ADK: variants seen among roughly 807,000 people sequenced by gnomAD.
ADK encodes N6,N6-dimethyladenosine kinase.
Under a neutral mutation model 44.7 loss-of-function variants are expected in ADK, and 24 were observed. That is an observed-to-expected ratio of 0.54 (90% CI 0.39 to 0.76). ADK has a LOEUF of 0.76. Among genes scored for constraint, ADK ranks in the 30% least tolerant of loss-of-function variants. The pLI, the probability that ADK is intolerant of heterozygous loss-of-function variation, is 0.00. For missense variants in ADK, 321 were observed against 425.1 expected (o/e 0.76, Z 2.15); for synonymous variants, 128 against 142.6 (o/e 0.90, Z 0.73).
intron 4 of ADK, among the ~76,000 whole-genome samples, chr10:74,349,751 A>AT (rs1168907698): frequency 6.6e-6 from 1 of 152,146 alleles, no homozygotes; most frequent in East Asian, 1.9e-4. Context: ...CAAAAAAAAA[A>AT]GCAGGGGTTG....
intron 4 of ADK, among the ~76,000 whole-genome samples, chr10:74,357,772 T>C (rs1342782403): frequency 6.6e-6 from 1 of 152,196 alleles, no homozygotes; most frequent in Non-Finnish European, 1.5e-5. Flanking sequence ...TGTATCACAT[T>C]TGCATGCTTA....
intron 3 of ADK, among the ~76,000 whole-genome samples, chr10:74,236,129 G>GTCC (rs1293825649): frequency 6.6e-6 from 1 of 152,196 alleles, no homozygotes; most frequent in Admixed American, 6.5e-5. Context: ...TAAATTGTAA[G>GTCC]TTGTATAATT....
intron 3 of ADK, among the ~76,000 whole-genome samples, chr10:74,290,502 A>G (rs557254853): frequency 6.9e-4 from 105 of 152,238 alleles, no homozygotes; most frequent in African/African-American, 2.4e-3. Flanking sequence ...AAGTCTTCCA[A>G]TTACTCTACA....
rs147524997 is a variant in ADK at position 74,660,285 on chromosome 10, C to T, written c.878-9898C>T. On this transcript the variant is annotated intron_variant, in intron 9 of 10. Coordinates refer to ENST00000539909, the MANE Select transcript of ADK (RefSeq NM_006721.4). ...CTGGGGCTACAGGAATGCACCACCA[C>T]ACCTGGCTAGTTTTTTTGTATTTTT... 7.0e-3 allele frequency among the ~76,000 whole-genome samples: 1,068 copies of T among 152,236 alleles called. 7 individuals are homozygous for T. The highest frequency in any genetic ancestry group is 0.025 in the African/African-American group (1,033 of 41,554).
intron 7 of ADK, among the ~76,000 whole-genome samples, chr10:74,537,920 CT>C (rs1210874081): frequency 6.6e-6 from 1 of 151,992 alleles, no homozygotes. Context: ...AAAGCTCCCC[CT>C]CATATCTAGT....
chr10:74,408,136 T>C (rs1264055727), intron 6 of ADK, among the ~76,000 whole-genome samples: 1 of 151,464 alleles, frequency 6.6e-6, no homozygotes, highest in Non-Finnish European at 1.5e-5. Context: ...CCTACCACCA[T>C]GCCTGGCTGA....
At chr10:74,173,389 G>A (rs1842225551) in intron 1 of ADK, among the ~76,000 whole-genome samples, 1 of 150,904 alleles carries the variant, frequency 6.6e-6, no homozygotes, top group Non-Finnish European at 1.5e-5. Context: ...CACTGCGCCC[G>A]GCTAGGTTTT....
intron 4 of ADK, among the ~76,000 whole-genome samples, chr10:74,370,918 T>C (rs1285503898): frequency 2.0e-5 from 3 of 152,038 alleles, no homozygotes; most frequent in Non-Finnish European, 4.4e-5. Flanking sequence ...TAGAATAATT[T>C]TATGGTGAGT....
chr10:74,335,934 A>G (rs1161469042), intron 4 of ADK, among the ~76,000 whole-genome samples: 1 of 152,174 alleles, frequency 6.6e-6, no homozygotes, highest in Non-Finnish European at 1.5e-5. Flanking sequence ...AAGACTTATC[A>G]GATGTGTGAT....
intron 2 of ADK, among the ~76,000 whole-genome samples, chr10:74,221,618 C>A (rs1844312472): frequency 6.8e-6 from 1 of 146,008 alleles, no homozygotes; most frequent in Non-Finnish European, 1.5e-5. Context: ...TGACTTCAAA[C>A]TATACTACAA....
chr10:74,246,020 A>T (rs1845402437), intron 3 of ADK, among the ~76,000 whole-genome samples: 1 of 152,056 alleles, frequency 6.6e-6, no homozygotes, highest in African/African-American at 2.4e-5. Context: ...GTGTATATTC[A>T]GGTTAAAAAA....
chr10:74,297,630 G>A (rs1272794183), intron 3 of ADK, among the ~76,000 whole-genome samples: 1 of 152,142 alleles, frequency 6.6e-6, no homozygotes, highest in Non-Finnish European at 1.5e-5. Flanking sequence ...TGAGCTGTGG[G>A]CTAAATTTGT....
chr10:74,240,535 A>G (rs1845171233), intron 3 of ADK, among the ~76,000 whole-genome samples: 1 of 149,068 alleles, frequency 6.7e-6, no homozygotes, highest in African/African-American at 2.5e-5. Context: ...ACAGTATAAA[A>G]TTATGTTTTT....
chr10:74,186,456 A>T (rs1182984301), intron 1 of ADK, among the ~76,000 whole-genome samples: 2 of 147,380 alleles, frequency 1.4e-5, no homozygotes, highest in African/African-American at 2.5e-5. Flanking sequence ...TTTTTTTTGT[A>T]TTTTTTGTAA....
At chr10:74,410,111 A>G (rs1844117373) in intron 6 of ADK, among the ~76,000 whole-genome samples, 1 of 152,164 alleles carries the variant, frequency 6.6e-6, no homozygotes, top group South Asian at 2.1e-4. Flanking sequence ...TTAACAAGTT[A>G]GAATGAATTT....
intron 4 of ADK, among the ~76,000 whole-genome samples, chr10:74,373,251 G>A (rs189728038): frequency 9.2e-5 from 14 of 152,112 alleles, no homozygotes; most frequent in African/African-American, 3.4e-4. Context: ...ACTGGGCATG[G>A]GATATGAGCT....
At chr10:74,222,651 C>G (rs1257755089) in intron 2 of ADK, among the ~76,000 whole-genome samples, 1 of 152,044 alleles carries the variant, frequency 6.6e-6, no homozygotes, top group South Asian at 2.1e-4. Context: ...GAAAATGTGG[C>G]ACATATACAC....
rs1842048143 is a variant in ADK at position 74,353,839 on chromosome 10, GC to G, written c.273+39095del. ...GCTGAGATTGCGCCACTGCACTCCA[GC>G]TCTGGCGACAGAGCGAGACTCTGTT... On this transcript the variant is annotated intron_variant, in intron 4 of 10. Transcript: ENST00000539909. Among the ~76,000 whole-genome samples the G allele has an allele frequency of 2.0e-5, 3 of 152,154 alleles. No homozygotes were observed. The South Asian group carries it at 6.2e-4, about 32-fold the overall frequency.
intron 3 of ADK, among the ~76,000 whole-genome samples, chr10:74,299,006 CA>C (rs1267136719): frequency 1.3e-5 from 2 of 152,092 alleles, no homozygotes; most frequent in African/African-American, 4.8e-5. Context: ...TCTGATGAAC[CA>C]ACAGATGTTA....
Sources: allele counts gnomAD v4.1 joint callset (sites outside exome capture counted in the v4.1 genomes callset), GRCh38; gene constraint gnomAD v4.1.1; transcripts MANE v1.5; gene names NCBI Gene and HGNC (gene_info 2026-07-23, HGNC 2026-07-21).